The following EPHB2 variants were observed in gnomAD, a reference collection of about 807,000 sequenced individuals.
EPHB2 encodes EPH receptor B2, also known as ephrin type-B receptor 2.
A neutral mutation model predicts 96.4 loss-of-function variants in EPHB2; 18 were observed. The ratio of observed to expected loss-of-function variants is 0.19; its 90% CI spans 0.13 to 0.28. The LOEUF is 0.28. Among genes scored for constraint, EPHB2 ranks in the 10% least tolerant of loss-of-function variants. The probability of loss-of-function intolerance (pLI) is 1.00; values close to 1 mark genes in which losing one functional copy is unlikely to be tolerated. For synonymous variants in EPHB2, 506 were observed against 534.1 expected, an observed-to-expected ratio of 0.95 and a Z score of 0.72; for missense variants, 989 against 1,355.4, an observed-to-expected ratio of 0.73 and a Z score of 4.25.
chr1:22,879,613 C>G (rs1413981136), intron 5 of EPHB2, among the ~76,000 whole-genome samples: 3 of 152,246 alleles, frequency 2.0e-5, no homozygotes, highest in East Asian at 1.9e-4. Flanking sequence ...TCCTCGCCAG[C>G]TGTGTGACCT....
At chr1:22,781,621 C>A in intron 2 of EPHB2, 136 bp downstream of exon 2, 1 of 787,354 alleles carries the variant, frequency 1.3e-6, no homozygotes. Context: ...TCAGCCCCAC[C>A]CTCCCAATCC....
chr1:22,892,703 C>A (rs1480157921), intron 6 of EPHB2, 181 bp from the exon 7 acceptor site: 4 of 810,360 alleles, frequency 4.9e-6, no homozygotes, highest in Non-Finnish European at 8.7e-6. Context: ...CCTTTGTGGG[C>A]AGTGTTGAAA....
intron 1 of EPHB2, among the ~76,000 whole-genome samples, chr1:22,716,587 C>A (rs1643301831): frequency 6.6e-6 from 1 of 152,214 alleles, no homozygotes; most frequent in Non-Finnish European, 1.5e-5. Flanking sequence ...GACCCACCCA[C>A]CTTGACCTCC....
chr1:22,769,481 A>T (rs749543231), intron 1 of EPHB2, among the ~76,000 whole-genome samples: 1 of 152,128 alleles, frequency 6.6e-6, no homozygotes, highest in African/African-American at 2.4e-5. Flanking sequence ...ATCTCAGCTC[A>T]CTGCAACCTC....
chr1:22,761,130 T>A (rs180763485), intron 1 of EPHB2, among the ~76,000 whole-genome samples: 8 of 152,262 alleles, frequency 5.3e-5, no homozygotes, highest in African/African-American at 1.7e-4. Flanking sequence ...GCCCCCATGA[T>A]TCTCTTCTGA....
intron 1 of EPHB2, among the ~76,000 whole-genome samples, chr1:22,722,017 G>A (rs1643478391): frequency 6.6e-6 from 1 of 152,094 alleles, no homozygotes. Flanking sequence ...ACACTATCTT[G>A]GCTCACTGCA....
chr1:22,847,938 T>C (rs147753451), intron 3 of EPHB2, among the ~76,000 whole-genome samples: 15 of 152,226 alleles, frequency 9.9e-5, no homozygotes, highest in African/African-American at 3.4e-4. Context: ...CTGGAGAGCC[T>C]TCCTGGGTAC....
At chr1:22,735,405 C>T (rs1055225702) in intron 1 of EPHB2, among the ~76,000 whole-genome samples, 1 of 150,068 alleles carries the variant, frequency 6.7e-6, no homozygotes, top group African/African-American at 2.5e-5. Context: ...TGCCACTGCA[C>T]TGCAGCCTAA....
At chr1:22,711,634 G>A (rs1643149030) in intron 1 of EPHB2, among the ~76,000 whole-genome samples, 1 of 151,988 alleles carries the variant, frequency 6.6e-6, no homozygotes, top group Non-Finnish European at 1.5e-5. Context: ...GTACAATGGG[G>A]TCCCCTCCCC....
intron 1 of EPHB2, among the ~76,000 whole-genome samples, chr1:22,778,139 C>T (rs1316449510): frequency 6.6e-6 from 1 of 152,174 alleles, no homozygotes; most frequent in Non-Finnish European, 1.5e-5. Flanking sequence ...AATTTTCATG[C>T]CTCAGCCTCC....
chr1:22,718,248 C>T (rs1394618362), intron 1 of EPHB2, among the ~76,000 whole-genome samples: 1 of 152,084 alleles, frequency 6.6e-6, no homozygotes, highest in Non-Finnish European at 1.5e-5. Flanking sequence ...TCAAAGGCCC[C>T]CTCCCCACTC....
chr1:22,758,423 C>A (rs898077589), intron 1 of EPHB2, among the ~76,000 whole-genome samples: 2 of 151,988 alleles, frequency 1.3e-5, no homozygotes, highest in Admixed American at 1.3e-4. Context: ...TATGGCAGCC[C>A]GTCGTAAGGG....
chr1:22,815,126 C>T (rs1645054293), intron 3 of EPHB2, among the ~76,000 whole-genome samples: 1 of 152,238 alleles, frequency 6.6e-6, no homozygotes, highest in South Asian at 2.1e-4. Context: ...AAGGTCAAGT[C>T]TGCTTCATTG....
At chr1:22,728,759 C>T (rs1406563193) in intron 1 of EPHB2, among the ~76,000 whole-genome samples, 28 of 152,194 alleles carry the variant, frequency 1.8e-4, no homozygotes, top group Admixed American at 1.6e-3. Flanking sequence ...CCCCCAATCC[C>T]GAAGGGAAAA....
rs771598124 is a variant in EPHB2, at chr1:22,882,395, G to A, written c.1340G>A (p.Arg447His). 31 of 1,613,934 alleles carry A rather than the reference G, an allele frequency of 1.9e-5. No homozygotes were observed. The highest frequency in any genetic ancestry group is 3.3e-5 in the South Asian group (3 of 91,070). Reference protein sequence around the residue: ...SAVSIMHQVSRTVDSITLSWS... With the variant: ...SAVSIMHQVSHTVDSITLSWS... ...GTGTCCATCATGCATCAGGTGAGCC[G>A]CACCGTGGACAGCATTACCCTGTCG... The change falls in exon 6 of 16, where the codon CGC (arginine) becomes CAC (histidine). Residue 447 changes from arginine (R) to histidine (H), a missense_variant. Transcript: ENST00000374630.
intron 1 of EPHB2, among the ~76,000 whole-genome samples, chr1:22,744,064 T>C (rs966623498): frequency 3.9e-5 from 6 of 152,214 alleles, no homozygotes; most frequent in African/African-American, 1.4e-4. Context: ...AGATCACATT[T>C]CATTATTAAC....
chr1:22,818,183 C>T (rs901082640), intron 3 of EPHB2, among the ~76,000 whole-genome samples: 4 of 152,136 alleles, frequency 2.6e-5, no homozygotes, highest in Non-Finnish European at 5.9e-5. Flanking sequence ...GGTCCTTGTG[C>T]TCGATCCATC....
chr1:22,734,072 C>G (rs968677832), intron 1 of EPHB2, among the ~76,000 whole-genome samples: 1 of 152,232 alleles, frequency 6.6e-6, no homozygotes, highest in African/African-American at 2.4e-5. Context: ...AAGGACAGAG[C>G]TCTGCCCTGG....
chr1:22,916,346 C>T lies in EPHB2; in HGVS notation c.*2776C>T, dbSNP rs1306384188. On this transcript the variant is annotated 3_prime_UTR_variant, in exon 16 of 16. Transcript: ENST00000374630. This position sits in a 1 kb window ranked among gnomAD's most constrained non-coding sequence, Gnocchi z 4.2. The stretch of plus-strand genomic sequence containing the variant: ...GCCAGCATGTCTGCCCCTCCACCCT[C>T]CAGGGCCGAGGTCCTCAGTGGCCAT... 2 of 152,364 alleles carry T rather than the reference C, an allele frequency of 1.3e-5. No individual in the cohort carries two copies. Among genetic ancestry groups the T allele is most frequent in the Non-Finnish European group, 2.9e-5 (2 of 68,138 alleles). 9.4% of individuals were successfully genotyped at this position (152,364 alleles called of 1,614,324 possible). A position where few individuals can be genotyped will look rare whatever the true frequency, so the allele number is the denominator to read the frequency against.
Sources: gnomAD v4.1 joint callset for allele counts (sites outside exome capture counted in the v4.1 genomes callset) on GRCh38, gnomAD v4.1.1 for gene constraint, Gnocchi (gnomAD v3.1) non-coding constraint, MANE v1.5 for transcripts, NCBI Gene and HGNC (gene_info 2026-07-23, HGNC 2026-07-21) for gene names.